Variants in ADGRD1 observed in about 807,000 individuals in gnomAD.
The protein encoded by ADGRD1 is adhesion G protein-coupled receptor D1.
Under a neutral mutation model 113.4 loss-of-function variants are expected in ADGRD1, and 77 were observed. The observed-to-expected ratio is 0.68, with a 90% CI of 0.57 to 0.82. The LOEUF is 0.82. ADGRD1 is among the 40% of genes least tolerant of loss of function. The probability of loss-of-function intolerance (pLI) is 0.00; values close to 1 mark genes in which losing one functional copy is unlikely to be tolerated. For missense variants in ADGRD1, 1,036 were observed against 1,139.1 expected (o/e 0.91, Z 1.30); for synonymous variants, 474 against 475.0 (o/e 1.00, Z 0.03).
chr12:130,971,681 A>G lies in ADGRD1; in HGVS notation c.310+101A>G. 1.6e-6 allele frequency: 2 copies of G among 1,284,292 alleles called. No individual in the cohort carries two copies. The highest frequency in any genetic ancestry group is 2.1e-6 in the Non-Finnish European group (2 of 931,906). 79.6% of individuals were successfully genotyped at this position (1,284,292 alleles called of 1,614,324 possible). A position where few individuals can be genotyped will look rare whatever the true frequency, so the allele number is the denominator to read the frequency against. On this transcript the variant is annotated intron_variant, in intron 4 of 24. Transcript: ENST00000261654. This position sits in a 1 kb window ranked among gnomAD's most constrained non-coding sequence, Gnocchi z 4.2. ...AGATGTGAACCTGAGGTTCTCATCA[A>G]TTGCAGAATGCGTGAGAATGTCAAC...
At position 131,007,466 on chromosome 12, in the gene ADGRD1, G is replaced by A. The variant is rs577154929; in HGVS notation, c.1331+1419G>A. Among the ~76,000 whole-genome samples the A allele has an allele frequency of 3.4e-3, 518 of 152,356 alleles. 3 individuals carry two copies. Among genetic ancestry groups the A allele is most frequent in the African/African-American group, 0.012 (504 of 41,576 alleles). The stretch of plus-strand genomic sequence containing the variant: ...AGGGATGGGCAGAGGAGAGGCCGGC[G>A]GGGCCTGCTCTGGGGAGCCCACAGC... On this transcript the variant is annotated intron_variant, in intron 12 of 24. Transcript: ENST00000261654.
Position 131,081,451 on chromosome 12 carries a change from A to ACTTT in ADGRD1, c.1548-3088_1548-3085dup, listed in dbSNP as rs367914089. Among the ~76,000 whole-genome samples, 410 of 152,244 alleles carry ACTTT rather than the reference A, an allele frequency of 2.7e-3. 2 individuals are homozygous for ACTTT. The highest frequency in any genetic ancestry group is 4.5e-3 in the Non-Finnish European group (306 of 68,010). ...GATTTCTAATGTATACATCCTTTTA[A>ACTTT]CTTTTTTGATAGTGGTTGACCTAAG... On this transcript the variant is annotated intron_variant, in intron 14 of 24. Coordinates refer to ENST00000261654, the MANE Select transcript of ADGRD1 (RefSeq NM_198827.5).
chr12:130,993,456 T>G (rs1267818715), intron 8 of ADGRD1, among the ~76,000 whole-genome samples: 1 of 150,594 alleles, frequency 6.6e-6, no homozygotes, highest in Non-Finnish European at 1.5e-5. Flanking sequence ...GTGCTAATAC[T>G]CCCTGCTTTC....
Position 131,027,214 on chromosome 12 carries a change from A to C in ADGRD1, c.1473+12874A>C, listed in dbSNP as rs1231060214. 1 of 152,242 alleles carries C rather than the reference A, an allele frequency of 6.6e-6. No individual in the cohort carries two copies. Among genetic ancestry groups the C allele is most frequent in the Non-Finnish European group, 1.5e-5 (1 of 68,066 alleles). 9.4% of individuals were successfully genotyped at this position (152,242 alleles called of 1,614,324 possible). ...CACACACACACGCACACACATGCACACACACATAGCCAAACATCGTTTGAA... is the reference window on the plus strand; with the variant it reads ...CACACACACACGCACACACATGCACCCACACATAGCCAAACATCGTTTGAA... On this transcript the variant is annotated intron_variant, in intron 13 of 24. Coordinates refer to ENST00000261654, the MANE Select transcript of ADGRD1 (RefSeq NM_198827.5). The surrounding 1 kb of genome is among the most constrained non-coding windows in gnomAD (Gnocchi z 5.1).
chr12:131,032,722 ACG>A (rs1880921807), intron 13 of ADGRD1, among the ~76,000 whole-genome samples: 1 of 126,662 alleles, frequency 7.9e-6, no homozygotes, highest in South Asian at 2.4e-4. Flanking sequence ...CACAGAGATG[ACG>A]TTTATTAGAG....
At chr12:131,044,214 G>A (rs1490183750) in intron 13 of ADGRD1, among the ~76,000 whole-genome samples, 1 of 152,208 alleles carries the variant, frequency 6.6e-6, no homozygotes, top group African/African-American at 2.4e-5. Flanking sequence ...GTGGTGTTAG[G>A]ACCATTTAAT....
At chr12:131,097,402 C>T (rs1887364941) in intron 15 of ADGRD1, among the ~76,000 whole-genome samples, 1 of 152,250 alleles carries the variant, frequency 6.6e-6, no homozygotes, top group African/African-American at 2.4e-5. Flanking sequence ...GGCCAGTCCT[C>T]TCCCGTCCTG....
At chr12:131,040,072 G>A (rs982920525) in intron 13 of ADGRD1, among the ~76,000 whole-genome samples, 3 of 152,266 alleles carry the variant, frequency 2.0e-5, no homozygotes, top group Admixed American at 6.5e-5. Context: ...TGACCTTCCC[G>A]GCCCCTGTAG....
At position 131,131,716 on chromosome 12, in the gene ADGRD1, C is replaced by T. The variant is rs746021370; in HGVS notation, c.2176-9C>T. The T allele has an allele frequency of 3.1e-6, 5 of 1,600,390 alleles. No homozygotes were observed. Among genetic ancestry groups the T allele is most frequent in the Non-Finnish European group, 4.3e-6 (5 of 1,170,122 alleles). ...CCCCCCTCACCTTCCTCCATGGTTT[C>T]TTGTGCAGGTCAACATTGGCATCCT... On this transcript the variant is annotated splice_polypyrimidine_tract_variant and intron_variant, in intron 20 of 24. Transcript: ENST00000261654.
intron 15 of ADGRD1, among the ~76,000 whole-genome samples, chr12:131,101,661 G>A (rs886596561): frequency 3.3e-5 from 5 of 152,018 alleles, no homozygotes; most frequent in African/African-American, 7.3e-5. Context: ...GTGATTACAG[G>A]CGTGAGCCAC....
At chr12:130,994,591 C>T (rs1027532909) in intron 8 of ADGRD1, among the ~76,000 whole-genome samples, 5 of 152,184 alleles carry the variant, frequency 3.3e-5, no homozygotes, top group African/African-American at 1.2e-4. Flanking sequence ...CTCTGTGTTT[C>T]CGGGTGTCTA....
At chr12:131,135,955 A>C (rs1160205096) in intron 21 of ADGRD1, 82 bp from the exon 22 acceptor site, 1 of 1,499,350 alleles carries the variant, frequency 6.7e-7, no homozygotes, top group Non-Finnish European at 9.2e-7. Context: ...ACCCATCTGG[A>C]AGCCTGGCGT....
intron 5 of ADGRD1, 45 bp from the exon 6 acceptor site, chr12:130,987,050 C>A (rs771336539): frequency 1.1e-5 from 17 of 1,581,820 alleles, no homozygotes; most frequent in African/African-American, 2.7e-5. Context: ...GCATGGGGAG[C>A]TCATTCCCAC....
chr12:131,081,801 T>C (rs1408285463), intron 14 of ADGRD1, among the ~76,000 whole-genome samples: 1 of 152,242 alleles, frequency 6.6e-6, no homozygotes, highest in Non-Finnish European at 1.5e-5. Flanking sequence ...CTTTAACTCT[T>C]CTTGCAGTTC....
At chr12:131,061,549 A>G (rs1028051629) in intron 13 of ADGRD1, among the ~76,000 whole-genome samples, 9 of 152,212 alleles carry the variant, frequency 5.9e-5, no homozygotes, top group African/African-American at 2.2e-4. Context: ...TGGAATAATG[A>G]TAGATTCACA....
intron 21 of ADGRD1, among the ~76,000 whole-genome samples, chr12:131,135,304 A>T (rs1951045411): frequency 6.6e-6 from 1 of 152,140 alleles, no homozygotes; most frequent in Non-Finnish European, 1.5e-5. Flanking sequence ...AATGGGGTCA[A>T]TATATAACCT....
chr12:131,041,372 A>G lies in ADGRD1; in HGVS notation c.1473+27032A>G, dbSNP rs901234776. Among the ~76,000 whole-genome samples, 1 of 152,154 alleles carries G rather than the reference A, an allele frequency of 6.6e-6. No homozygotes were observed. Among genetic ancestry groups the G allele is most frequent in the African/African-American group, 2.4e-5 (1 of 41,426 alleles). ...GAAGAAGAGCAGGTGTGGACAGGGC[A>G]GAGGTCCGCCCTTTCCCTGTCCAGT... On this transcript the variant is annotated intron_variant, in intron 13 of 24. Coordinates refer to ENST00000261654, the MANE Select transcript of ADGRD1 (RefSeq NM_198827.5). The surrounding 1 kb of genome is among the most constrained non-coding windows in gnomAD (Gnocchi z 4.4).
At chr12:130,974,400 T>C (rs1024291888) in intron 4 of ADGRD1, among the ~76,000 whole-genome samples, 1 of 152,166 alleles carries the variant, frequency 6.6e-6, no homozygotes, top group Non-Finnish European at 1.5e-5. Flanking sequence ...TCAGTGAGCA[T>C]TGAGCTTTAA....
intron 13 of ADGRD1, chr12:131,023,420 T>C (rs1195895): frequency 0.89 from 135,777 of 152,188 alleles, 62,315 homozygotes; most frequent in East Asian, 1. Flanking sequence ...CATCCTCCAT[T>C]CCCTGCACCC....
Sources: allele counts gnomAD v4.1 joint callset (sites outside exome capture counted in the v4.1 genomes callset), GRCh38; gene constraint gnomAD v4.1.1; non-coding constraint Gnocchi (gnomAD v3.1); transcripts MANE v1.5; gene names NCBI Gene and HGNC (gene_info 2026-07-23, HGNC 2026-07-21).